The following EPHA6 variants were observed in gnomAD, a reference collection of about 807,000 sequenced individuals.
EPHA6 encodes ephrin type-A receptor 6.
In EPHA6, 50 loss-of-function variants were observed where a neutral mutation model predicts 112.0. That is an observed-to-expected ratio of 0.45 (90% confidence interval 0.36 to 0.56). The LOEUF is 0.56. EPHA6 is among the 20% of genes least tolerant of loss of function. The probability of loss-of-function intolerance (pLI) is 0.00; values close to 1 mark genes in which losing one functional copy is unlikely to be tolerated. For synonymous variants in EPHA6, 529 were observed against 490.7 expected (o/e 1.08, Z -1.03); for missense variants, 1,280 against 1,417.4 (o/e 0.90, Z 1.56).
intron 3 of EPHA6, among the ~76,000 whole-genome samples, chr3:97,040,876 T>C (rs1273412187): frequency 2.0e-5 from 3 of 152,066 alleles, no homozygotes; most frequent in Non-Finnish European, 2.9e-5. Flanking sequence ...ATTCTGATGT[T>C]TAGAATTTAA....
intron 3 of EPHA6, among the ~76,000 whole-genome samples, chr3:97,192,917 C>T (rs368048364): frequency 3.3e-5 from 5 of 152,016 alleles, no homozygotes; most frequent in African/African-American, 1.2e-4. Context: ...AATGTGGGTT[C>T]TTGGCACCTT....
At chr3:97,060,085 C>T (rs1433104121) in intron 3 of EPHA6, among the ~76,000 whole-genome samples, 2 of 152,168 alleles carry the variant, frequency 1.3e-5, no homozygotes, top group African/African-American at 2.4e-5. Flanking sequence ...CACACCATTG[C>T]ACTCAAGCCT....
intron 6 of EPHA6, among the ~76,000 whole-genome samples, chr3:97,426,769 T>A (rs1420247090): frequency 6.6e-6 from 1 of 152,058 alleles, no homozygotes; most frequent in Non-Finnish European, 1.5e-5. Flanking sequence ...ACCTACAGAA[T>A]GGGAGAATAT....
chr3:97,318,570 A>G (rs1224537947), intron 5 of EPHA6, among the ~76,000 whole-genome samples: 1 of 152,010 alleles, frequency 6.6e-6, no homozygotes, highest in Non-Finnish European at 1.5e-5. Flanking sequence ...CTAATTTAAT[A>G]TATATTTTTC....
intron 3 of EPHA6, among the ~76,000 whole-genome samples, chr3:97,072,935 A>C (rs952995424): frequency 6.6e-6 from 1 of 152,162 alleles, no homozygotes; most frequent in African/African-American, 2.4e-5. Flanking sequence ...TCAGGAGCTT[A>C]CTGAGAGGTG....
chr3:97,724,583 T>C (rs2034674826), intron 15 of EPHA6, among the ~76,000 whole-genome samples: 1 of 151,990 alleles, frequency 6.6e-6, no homozygotes, highest in Admixed American at 6.6e-5. Context: ...GTGGGGAATA[T>C]AGCGAGACCT....
chr3:97,346,854 G>A (rs1231403022), intron 5 of EPHA6, among the ~76,000 whole-genome samples: 1 of 152,032 alleles, frequency 6.6e-6, no homozygotes, highest in Non-Finnish European at 1.5e-5. Flanking sequence ...ATGCACATAT[G>A]AGGTATTTTT....
At chr3:96,865,147 T>G (rs1194504641) in intron 1 of EPHA6, among the ~76,000 whole-genome samples, 1 of 152,086 alleles carries the variant, frequency 6.6e-6, no homozygotes, top group Non-Finnish European at 1.5e-5. Flanking sequence ...TGATTAAAAT[T>G]TATGACTTAG....
At chr3:97,698,252 G>A (rs1373805341) in intron 14 of EPHA6, among the ~76,000 whole-genome samples, 1 of 152,150 alleles carries the variant, frequency 6.6e-6, no homozygotes, top group African/African-American at 2.4e-5. Flanking sequence ...GCCTGCCTTG[G>A]CCTCCCAAAG....
intron 3 of EPHA6, among the ~76,000 whole-genome samples, chr3:97,077,511 G>C (rs1186080685): frequency 6.6e-6 from 1 of 152,004 alleles, no homozygotes; most frequent in Non-Finnish European, 1.5e-5. Flanking sequence ...TTTACATTAG[G>C]TATTTCTCCC....
intron 3 of EPHA6, among the ~76,000 whole-genome samples, chr3:97,003,788 A>ACC (rs551821028): frequency 1.7e-5 from 1 of 59,802 alleles, no homozygotes; most frequent in African/African-American, 6.2e-5. Flanking sequence ...CCTTCCCCTC[A>ACC]CCCCCCCACC....
chr3:97,159,212 C>A (rs1234239565), intron 3 of EPHA6, among the ~76,000 whole-genome samples: 2 of 152,044 alleles, frequency 1.3e-5, no homozygotes, highest in Non-Finnish European at 2.9e-5. Flanking sequence ...ATTTCCTTAC[C>A]TTCATTGTGG....
rs750046171 is a variant in EPHA6, at chr3:97,754,179, C to G, written c.*5478C>G. 4.0e-5 allele frequency among the ~76,000 whole-genome samples: 6 copies of G among 151,320 alleles called. No individual in the cohort carries two copies. Among genetic ancestry groups the G allele is most frequent in the Admixed American group, 1.3e-4 (2 of 15,222 alleles). On this transcript the variant is annotated 3_prime_UTR_variant, in exon 18 of 18. Coordinates refer to ENST00000389672, the MANE Select transcript of EPHA6 (RefSeq NM_001080448.3). ...TCTTGGCTCACCACAACCTCCGCCT[C>G]CCAGGTTCAAGCAATTCTCCTGCCT... is the stretch of plus-strand genomic sequence containing the variant.
rs544462163 is a variant in EPHA6 at position 97,383,930 on chromosome 3, A to G, written c.1607-21220A>G. Among the ~76,000 whole-genome samples, 11 of 152,330 alleles carry G rather than the reference A, an allele frequency of 7.2e-5. No homozygotes were observed. The South Asian group carries it at 2.3e-3, about 32-fold the overall frequency. ...ATGATTTCCAAGGTAGCAAATGCAT[A>G]TACCAGAGATATTCAATTTTGAAAA... is the stretch of plus-strand genomic sequence containing the variant. On this transcript the variant is annotated intron_variant, in intron 5 of 17. Coordinates refer to ENST00000389672, the MANE Select transcript of EPHA6 (RefSeq NM_001080448.3).
intron 3 of EPHA6, among the ~76,000 whole-genome samples, chr3:97,116,031 C>T (rs751335592): frequency 4.0e-5 from 6 of 151,676 alleles, no homozygotes; most frequent in South Asian, 4.1e-4. Context: ...AGCACTGAGA[C>T]GTTTCTTTTT....
intron 2 of EPHA6, among the ~76,000 whole-genome samples, chr3:96,949,869 A>T (rs2041451982): frequency 6.6e-6 from 1 of 152,144 alleles, no homozygotes; most frequent in Non-Finnish European, 1.5e-5. Context: ...TGTAGCCCAG[A>T]CTTTTTCCTG....
At chr3:97,481,689 C>T (rs889908861) in intron 9 of EPHA6, among the ~76,000 whole-genome samples, 12 of 151,720 alleles carry the variant, frequency 7.9e-5, no homozygotes, top group Non-Finnish European at 1.5e-4. Context: ...CGCCCCGCAC[C>T]GCCCCGGCCC....
intron 14 of EPHA6, among the ~76,000 whole-genome samples, chr3:97,681,242 T>A (rs1410981627): frequency 6.6e-6 from 1 of 152,110 alleles, no homozygotes; most frequent in Non-Finnish European, 1.5e-5. Flanking sequence ...CTGGCAGGGA[T>A]AAATGGAAAT....
intron 2 of EPHA6, among the ~76,000 whole-genome samples, chr3:96,924,781 A>G (rs2039949435): frequency 6.6e-6 from 1 of 152,216 alleles, no homozygotes; most frequent in Non-Finnish European, 1.5e-5. Flanking sequence ...CTTGTCATAT[A>G]TGGCTCTTAT....
Sources: gnomAD v4.1 joint callset for allele counts (sites outside exome capture counted in the v4.1 genomes callset) on GRCh38, gnomAD v4.1.1 for gene constraint, MANE v1.5 for transcripts, NCBI Gene and HGNC (gene_info 2026-07-23, HGNC 2026-07-21) for gene names.